Variants in ANTXR2 observed in about 807,000 individuals in gnomAD.
The protein encoded by ANTXR2 is anthrax toxin receptor 2.
In ANTXR2, 44 loss-of-function variants were observed where a neutral mutation model predicts 73.7. The observed-to-expected ratio is 0.60, with a 90% CI of 0.47 to 0.77. The LOEUF (loss-of-function observed/expected upper bound fraction) is 0.77. Ranked by LOEUF, ANTXR2 falls within the 30% of genes least tolerant of loss-of-function variation. The probability of loss-of-function intolerance (pLI) is 0.00; values close to 1 mark genes in which losing one functional copy is unlikely to be tolerated. For synonymous variants in ANTXR2, 217 were observed against 205.9 expected (o/e 1.05, Z -0.46); for missense variants, 604 against 592.5 (o/e 1.02, Z -0.20).
At chr4:80,067,858 G>A (rs906717244) in intron 3 of ANTXR2, among the ~76,000 whole-genome samples, 2 of 152,330 alleles carry the variant, frequency 1.3e-5, no homozygotes. Context: ...GGGTGCAGGG[G>A]AGAAAGAGCA....
chr4:79,994,168 CTTG>C (rs1730616703), intron 12 of ANTXR2, among the ~76,000 whole-genome samples: 3 of 152,050 alleles, frequency 2.0e-5, no homozygotes, highest in Non-Finnish European at 2.9e-5. Context: ...TAATACTCTA[CTTG>C]TTGTTAAATT....
intron 7 of ANTXR2, among the ~76,000 whole-genome samples, chr4:80,047,529 T>C (rs1357658702): frequency 6.6e-6 from 1 of 151,700 alleles, no homozygotes; most frequent in Non-Finnish European, 1.5e-5. Flanking sequence ...CATGTGGTCC[T>C]AGTGAGGCTG....
intron 8 of ANTXR2, 43 bp from the exon 9 acceptor site, chr4:80,033,613 C>CA (rs780551278): frequency 1.4e-5 from 20 of 1,421,624 alleles, no homozygotes; most frequent in Middle Eastern, 1.8e-4. Flanking sequence ...ACTGCTTTAC[C>CA]AAAAAAATAA....
In ANTXR2 at chr4:79,904,024, C is replaced by T. The variant is rs1726813996; in HGVS notation, c.*3405G>A. The T allele has an allele frequency of 1.3e-5, 2 of 152,050 alleles. No individual in the cohort carries two copies. Among genetic ancestry groups the T allele is most frequent in the Admixed American group, 6.6e-5 (1 of 15,252 alleles). 9.4% of individuals were successfully genotyped at this position (152,050 alleles called of 1,614,324 possible). On this transcript the variant is annotated 3_prime_UTR_variant, in exon 17 of 17. Transcript: ENST00000403729. Reference sequence around the variant, plus strand: ...GTAAATGTGACCTAATTACATTCTGCCTTCTTAAATTTCAAAAATAACATA... The same window carrying T: ...GTAAATGTGACCTAATTACATTCTGTCTTCTTAAATTTCAAAAATAACATA...
intron 16 of ANTXR2, among the ~76,000 whole-genome samples, chr4:79,920,738 C>T (rs7684497): frequency 0.57 from 87,198 of 151,850 alleles, 25,355 homozygotes; most frequent in Non-Finnish European, 0.6. Flanking sequence ...TAGCAGTCAC[C>T]TATAAATCTT....
At chr4:79,989,028 C>A (rs1248834089) in intron 12 of ANTXR2, among the ~76,000 whole-genome samples, 1 of 151,964 alleles carries the variant, frequency 6.6e-6, no homozygotes. Context: ...GTGTTAAATG[C>A]CTACATCAAG....
At chr4:79,919,390 G>A (rs1727476065) in intron 16 of ANTXR2, among the ~76,000 whole-genome samples, 1 of 152,080 alleles carries the variant, frequency 6.6e-6, no homozygotes, top group Non-Finnish European at 1.5e-5. Flanking sequence ...AACTTGATTG[G>A]ATTGAAGGAT....
At chr4:80,020,700 T>C (rs768368287) in intron 10 of ANTXR2, among the ~76,000 whole-genome samples, 2 of 152,174 alleles carry the variant, frequency 1.3e-5, no homozygotes. Context: ...TCAAAGTCCT[T>C]AATGTGTTTT....
intron 11 of ANTXR2, among the ~76,000 whole-genome samples, chr4:80,018,034 T>A (rs953966736): frequency 2.0e-5 from 3 of 152,150 alleles, no homozygotes; most frequent in Non-Finnish European, 4.4e-5. Flanking sequence ...CATTGAATTG[T>A]TTTGTTTTGT....
chr4:80,055,269 A>G (rs1246073210), intron 5 of ANTXR2, 51 bp from the exon 6 acceptor site: 2 of 1,543,032 alleles, frequency 1.3e-6, no homozygotes, highest in African/African-American at 1.4e-5. Context: ...GGAGAGGGAG[A>G]AAGTGAATTA....
rs568571277 is a variant in ANTXR2 at position 80,070,042 on chromosome 4, T to G, written c.225-535A>C. Among the ~76,000 whole-genome samples, 6 of 152,314 alleles carry G rather than the reference T, an allele frequency of 3.9e-5. No individual in the cohort carries two copies. The South Asian group carries it at 1.0e-3, about 26-fold the overall frequency. On this transcript the variant is annotated intron_variant, in intron 2 of 16. Transcript: ENST00000403729. ...TTAGGCATTTTTTATTTTCTAAGTC[T>G]CAAACATGCTATTTTCCATTGGCAA...
rs1726830774 is a variant in ANTXR2, at chr4:79,904,476, G to A, written c.*2953C>T. ...TAAAATAGAATTAACTTAGGGAAAG[G>A]CATCAGTGCTGCAACTCTTAGCACC... On this transcript the variant is annotated 3_prime_UTR_variant, in exon 17 of 17. Coordinates refer to ENST00000403729, the MANE Select transcript of ANTXR2 (RefSeq NM_058172.6). The A allele has an allele frequency of 6.6e-6, 1 of 152,034 alleles. No homozygotes were observed. Among genetic ancestry groups the A allele is most frequent in the Admixed American group, 6.6e-5 (1 of 15,250 alleles). 9.4% of individuals were successfully genotyped at this position (152,034 alleles called of 1,614,324 possible). A position where few individuals can be genotyped will look rare whatever the true frequency, so the allele number is the denominator to read the frequency against.
At chr4:80,039,083 T>C (rs1207096348) in intron 7 of ANTXR2, among the ~76,000 whole-genome samples, 2 of 152,052 alleles carry the variant, frequency 1.3e-5, no homozygotes, top group Non-Finnish European at 2.9e-5. Flanking sequence ...CCAACAATCA[T>C]ATTAGGACAC....
chr4:79,917,508 T>C (rs145444578), intron 16 of ANTXR2, among the ~76,000 whole-genome samples: 1 of 152,164 alleles, frequency 6.6e-6, no homozygotes, highest in East Asian at 1.9e-4. Context: ...GTACAGAAAG[T>C]TTGGCCAGTT....
Position 80,072,442 on chromosome 4 carries a change from C to T in ANTXR2, c.119G>A (p.Arg40Lys). The change falls in exon 1 of 17, where the codon AGA becomes AAA. Residue 40 changes from arginine (R) to lysine (K), a missense_variant. Physicochemically the swap from Arg to Lys is conservative, Grantham distance 26. Coordinates refer to ENST00000403729, the MANE Select transcript of ANTXR2 (RefSeq NM_058172.6). ...GACGAAGTAGAGATCAAAGGCTCTT[C>T]TGCAGGAGGGCTGCTCCTGGGCGCG... ...LLRAQEQPSC[R>K]RAFDLYFVLD... The T allele has an allele frequency of 6.2e-7, 1 of 1,607,774 alleles. No individual in the cohort carries two copies. Among genetic ancestry groups the T allele is most frequent in the Admixed American group, 1.7e-5 (1 of 59,524 alleles).
At chr4:79,987,915 A>G (rs1249802563) in intron 12 of ANTXR2, among the ~76,000 whole-genome samples, 1 of 152,110 alleles carries the variant, frequency 6.6e-6, no homozygotes, top group Non-Finnish European at 1.5e-5. Context: ...AAACAAGCAA[A>G]TGCTAAGGGA....
chr4:80,048,229 G>T (rs1275764498), intron 7 of ANTXR2, among the ~76,000 whole-genome samples: 1 of 146,474 alleles, frequency 6.8e-6, no homozygotes, highest in Non-Finnish European at 1.5e-5. Context: ...TATGAATTAA[G>T]CAATGACTAC....
Position 79,967,088 on chromosome 4 carries a change from G to A in ANTXR2, c.1428+10533C>T, listed in dbSNP as rs1384221960. 4.2e-5 allele frequency among the ~76,000 whole-genome samples: 3 copies of A among 71,544 alleles called. 1 individual carries two copies. Among genetic ancestry groups the A allele is most frequent in the Non-Finnish European group, 1.0e-4 (3 of 29,678 alleles). The allele number at this position is 71,544 out of a possible 152,430, so 46.9% of individuals were successfully genotyped here. ...CACCGTGCGCGAGCCGAAGCAGGGC[G>A]AGGAATTGCCTCACCTGGGAAGCGC... On this transcript the variant is annotated intron_variant, in intron 16 of 16. Transcript: ENST00000403729.
Position 79,901,573 on chromosome 4 carries a change from C to G in ANTXR2, c.*5856G>C, listed in dbSNP as rs1421231369. On this transcript the variant is annotated 3_prime_UTR_variant, in exon 17 of 17. Coordinates refer to ENST00000403729, the MANE Select transcript of ANTXR2 (RefSeq NM_058172.6). ...CGTGGAAGCCAATTTTTCCACAGACCGGGGGGTGGGGGGTGGGGATGGTTT... is the reference window on the plus strand; with the variant it reads ...CGTGGAAGCCAATTTTTCCACAGACGGGGGGGTGGGGGGTGGGGATGGTTT... 9.9e-6 allele frequency: 1 copy of G among 101,108 alleles called. No homozygotes were observed. Among genetic ancestry groups the G allele is most frequent in the Admixed American group, 1.5e-4 (1 of 6,688 alleles). The allele number at this position is 101,108 out of a possible 1,614,324, so 6.3% of individuals were successfully genotyped here.
Sources: gnomAD v4.1 joint callset for allele counts (sites outside exome capture counted in the v4.1 genomes callset) on GRCh38, gnomAD v4.1.1 for gene constraint, MANE v1.5 for transcripts, NCBI Gene and HGNC (gene_info 2026-07-23, HGNC 2026-07-21) for gene names.